Variants in LINGO2 observed in about 807,000 individuals in gnomAD.
LINGO2 encodes the protein leucine-rich repeat and immunoglobulin-like domain-containing nogo receptor-interacting protein 2.
A neutral mutation model predicts 30.6 loss-of-function variants in LINGO2; 14 were observed. The ratio of observed to expected loss-of-function variants is 0.46; its 90% CI spans 0.30 to 0.72. The LOEUF is 0.72. LINGO2 is among the 30% of genes least tolerant of loss of function. The probability of loss-of-function intolerance (pLI) is 0.07; values close to 1 mark genes in which losing one functional copy is unlikely to be tolerated. For missense variants in LINGO2, 729 were observed against 751.7 expected, an observed-to-expected ratio of 0.97 and a Z score of 0.35; for synonymous variants, 317 against 288.5, an observed-to-expected ratio of 1.10 and a Z score of -1.00.
At chr9:29,149,219 T>C in the LINGO2 span, among the ~76,000 whole-genome samples, 1 of 152,214 alleles carries the variant, frequency 6.6e-6, no homozygotes, top group Non-Finnish European at 1.5e-5. Flanking sequence ...TCTTAATTTT[T>C]AACTACATTT....
At chr9:28,374,191 G>T in intron 2 of LINGO2, among the ~76,000 whole-genome samples, 2 of 128,912 alleles carry the variant, frequency 1.6e-5, no homozygotes, top group Admixed American at 8.6e-5. Context: ...CTCTACTTTT[G>T]TTAAAAATAT....
chr9:28,057,162 G>A lies in LINGO2; in HGVS notation c.-86-44757C>T, dbSNP rs1456022372. Among the ~76,000 whole-genome samples the A allele has an allele frequency of 3.9e-5, 6 of 152,090 alleles. No homozygotes were observed. In the East Asian group the frequency reaches 9.6e-4, roughly 24 times the overall value. ...ACCTGACTTAACCCAAGATGTCTAT[G>A]CCTGTTCTACTAAGATGCTGGCTAC... On this transcript the variant is annotated intron_variant, in intron 4 of 5. Coordinates refer to ENST00000379992, the Ensembl canonical transcript of LINGO2.
chr9:28,388,050 C>G (rs1413826500), intron 2 of LINGO2, among the ~76,000 whole-genome samples: 2 of 152,198 alleles, frequency 1.3e-5, no homozygotes, highest in Non-Finnish European at 2.9e-5. Flanking sequence ...TCAGCCATTA[C>G]TCCTACCCAC....
intron 1 of LINGO2, among the ~76,000 whole-genome samples, chr9:28,618,038 G>A (rs1587968074): frequency 6.6e-6 from 1 of 152,246 alleles, no homozygotes; most frequent in African/African-American, 2.4e-5. Flanking sequence ...TAAGAGCTGA[G>A]AACCTTCAAC....
At chr9:29,064,338 T>C in the LINGO2 span, among the ~76,000 whole-genome samples, 5 of 152,082 alleles carry the variant, frequency 3.3e-5, no homozygotes, top group African/African-American at 1.2e-4. Flanking sequence ...AATGCCTTCA[T>C]AGATCTGTGA....
At chr9:28,863,614 C>T in the LINGO2 span, 5 of 490,090 alleles carry the variant, frequency 1.0e-5, no homozygotes, top group East Asian at 3.0e-4. Context: ...AGATCAACTG[C>T]AGAAGCACCT....
At chr9:28,702,336 G>C in the LINGO2 span, among the ~76,000 whole-genome samples, 2 of 151,770 alleles carry the variant, frequency 1.3e-5, no homozygotes, top group African/African-American at 4.8e-5. Flanking sequence ...ATCATAAATG[G>C]AGTTGGATTT....
the LINGO2 span, among the ~76,000 whole-genome samples, chr9:28,959,645 C>G: frequency 0.11 from 16,558 of 149,814 alleles, 921 homozygotes; most frequent in South Asian, 0.15. Context: ...CACACACACA[C>G]AGAGAACAAT....
intron 4 of LINGO2, among the ~76,000 whole-genome samples, chr9:28,049,675 G>T (rs2133050510): frequency 6.6e-6 from 1 of 150,724 alleles, no homozygotes; most frequent in African/African-American, 2.4e-5. Flanking sequence ...GATGAAATGA[G>T]ACCAAATGTG....
At position 28,172,340 on chromosome 9, in the gene LINGO2, G is replaced by A. The variant is rs763719085; in HGVS notation, c.-87+122868C>T. ...CGGGAGGCGGAGCTTGCAGTGAGCC[G>A]AGATCCCGCCACTGCACTCCAGCCT... is the stretch of plus-strand genomic sequence containing the variant. On this transcript the variant is annotated intron_variant, in intron 4 of 5. Coordinates refer to ENST00000379992, the Ensembl canonical transcript of LINGO2. Among the ~76,000 whole-genome samples, 3 of 148,966 alleles carry A rather than the reference G, an allele frequency of 2.0e-5. No homozygotes were observed. The South Asian group carries it at 6.4e-4, about 32-fold the overall frequency.
At chr9:28,721,947 T>G in the LINGO2 span, among the ~76,000 whole-genome samples, 1 of 152,112 alleles carries the variant, frequency 6.6e-6, no homozygotes, top group Non-Finnish European at 1.5e-5. Flanking sequence ...AACTAATGCC[T>G]TTCAAAGAAC....
At chr9:28,822,994 G>C in the LINGO2 span, among the ~76,000 whole-genome samples, 1 of 152,082 alleles carries the variant, frequency 6.6e-6, no homozygotes, top group African/African-American at 2.4e-5. Context: ...AAATAAACCT[G>C]TTACTATATT....
chr9:28,658,489 A>T (rs937971543), intron 1 of LINGO2, among the ~76,000 whole-genome samples: 1 of 151,974 alleles, frequency 6.6e-6, no homozygotes, highest in Non-Finnish European at 1.5e-5. Flanking sequence ...TCACTATATA[A>T]TGTCCTTCTT....
chr9:29,125,831 T>A, the LINGO2 span, among the ~76,000 whole-genome samples: 1 of 152,162 alleles, frequency 6.6e-6, no homozygotes, highest in Non-Finnish European at 1.5e-5. Context: ...GTAAAACTAC[T>A]GCCAAAGCTT....
At chr9:29,109,616 T>G in the LINGO2 span, among the ~76,000 whole-genome samples, 7 of 152,220 alleles carry the variant, frequency 4.6e-5, no homozygotes, top group Non-Finnish European at 7.4e-5. Flanking sequence ...ACTTTCATAC[T>G]GTACAGGGTA....
chr9:29,046,745 G>A, the LINGO2 span, among the ~76,000 whole-genome samples: 2 of 152,030 alleles, frequency 1.3e-5, no homozygotes, highest in Non-Finnish European at 2.9e-5. Context: ...TGACAAGTGA[G>A]ATCTAATTAA....
the LINGO2 span, among the ~76,000 whole-genome samples, chr9:29,023,842 C>G: frequency 6.6e-6 from 1 of 152,056 alleles, no homozygotes; most frequent in African/African-American, 2.4e-5. Context: ...ATATCGGAAG[C>G]TATATAGGAA....
rs3065590 is a variant in LINGO2 at position 28,383,254 on chromosome 9, T to TTGTGTGTGTGTG, written c.-278-10398_-278-10387dup. ...TTGAAACACTATAGATCACCATTCA[T>TTGTGTGTGTGTG]TGTGTGTGTGTGTGTGTGTGTGTGT... On this transcript the variant is annotated intron_variant, in intron 2 of 5. Transcript: ENST00000379992. Among the ~76,000 whole-genome samples the TTGTGTGTGTGTG allele has an allele frequency of 9.4e-3, 696 of 73,658 alleles. 4 individuals are homozygous for TTGTGTGTGTGTG. The highest frequency in any genetic ancestry group is 0.017 in the Admixed American group (111 of 6,528). 48.3% of individuals were successfully genotyped at this position (73,658 alleles called of 152,430 possible).
intron 4 of LINGO2, among the ~76,000 whole-genome samples, chr9:28,168,146 A>C (rs1453262266): frequency 6.6e-6 from 1 of 152,176 alleles, no homozygotes; most frequent in Non-Finnish European, 1.5e-5. Context: ...AGTGGGTTTG[A>C]GCAGGGAGTG....
Sources: gnomAD v4.1 joint callset for allele counts (sites outside exome capture counted in the v4.1 genomes callset) on GRCh38, gnomAD v4.1.1 for gene constraint, MANE v1.5 for transcripts, NCBI Gene and HGNC (gene_info 2026-07-23, HGNC 2026-07-21) for gene names.